The following RASGRF1 variants were observed in gnomAD, a reference collection of about 807,000 sequenced individuals.
RASGRF1 encodes the protein ras-specific guanine nucleotide-releasing factor 1.
RASGRF1 carries 40 observed loss-of-function variants against 138.7 expected under a neutral mutation model. The ratio of observed to expected loss-of-function variants is 0.29; its 90% confidence interval spans 0.22 to 0.38. The LOEUF (loss-of-function observed/expected upper bound fraction) is 0.38. Among genes scored for constraint, RASGRF1 ranks in the 10% least tolerant of loss-of-function variants. The pLI is 1.00. For synonymous variants in RASGRF1, 614 were observed against 663.2 expected, an observed-to-expected ratio of 0.93 and a Z score of 1.14; for missense variants, 1,108 against 1,650.4, an observed-to-expected ratio of 0.67 and a Z score of 5.69.
At chr15:78,987,706 A>G (rs1422231658) in intron 22 of RASGRF1, among the ~76,000 whole-genome samples, 3 of 151,894 alleles carry the variant, frequency 2.0e-5, no homozygotes, top group African/African-American at 7.3e-5. Flanking sequence ...AAACAAAACA[A>G]AACAAAACAA....
chr15:78,980,842 G>A (rs80199659), intron 23 of RASGRF1, 143 bp from the exon 24 acceptor site: 9,796 of 546,444 alleles, frequency 0.018, 697 homozygotes, highest in African/African-American at 0.16. Context: ...CCTGTGTTTG[G>A]GCACCTTGCC....
intron 12 of RASGRF1, among the ~76,000 whole-genome samples, chr15:79,017,092 C>T (rs2056889768): frequency 3.3e-5 from 5 of 152,202 alleles, no homozygotes; most frequent in Admixed American, 1.3e-4. Flanking sequence ...TGCTGACAGC[C>T]TCTTTATAGA....
chr15:79,004,112 C>G lies in RASGRF1; in HGVS notation c.2139G>C (p.Lys713Asn). 6.2e-7 allele frequency: 1 copy of G among 1,613,442 alleles called. No homozygotes were observed. Among genetic ancestry groups the G allele is most frequent in the Non-Finnish European group, 8.5e-7 (1 of 1,179,804 alleles). ...NNKLLYGEPPKSPRATRKFSS... is the reference protein window; with the variant it reads ...NNKLLYGEPPNSPRATRKFSS... ...AGAACTTGCGGGTGGCGCGCGGGGA[C>G]TTGGGGGGTTCACCGTACAGGAGCT... The change falls in exon 15 of 27, where the codon AAG becomes AAC. Residue 713 changes from lysine to asparagine, a missense_variant. Physicochemically the swap from Lys to Asn is moderately conservative, Grantham distance 94 (BLOSUM62 0). This residue lies in a region of RASGRF1 where 686 missense variants were observed against 976.7 expected (regional missense o/e 0.70). Transcript: ENST00000558480.
intron 3 of RASGRF1, among the ~76,000 whole-genome samples, chr15:79,053,522 G>T (rs2057460974): frequency 6.6e-6 from 1 of 152,236 alleles, no homozygotes; most frequent in African/African-American, 2.4e-5. Context: ...TAGAGGAGGG[G>T]AGGAGTCTTC....
At chr15:79,043,575 G>T (rs1595932880) in intron 5 of RASGRF1, among the ~76,000 whole-genome samples, 1 of 152,252 alleles carries the variant, frequency 6.6e-6, no homozygotes, top group East Asian at 1.9e-4. Flanking sequence ...AATTCACCAG[G>T]CTGCTGCTAT....
intron 14 of RASGRF1, chr15:79,005,207 G>A: frequency 1.0e-6 from 1 of 985,536 alleles, no homozygotes; most frequent in Non-Finnish European, 1.2e-6. Context: ...GGGGGCAGGA[G>A]GAGGGAACAG....
At chr15:79,061,984 A>T (rs1356095433) in intron 2 of RASGRF1, among the ~76,000 whole-genome samples, 1 of 152,148 alleles carries the variant, frequency 6.6e-6, no homozygotes, top group Non-Finnish European at 1.5e-5. Flanking sequence ...CTGCCTTGCA[A>T]TTTTCCAAAG....
At chr15:78,974,941 C>T (rs990119717) in intron 24 of RASGRF1, among the ~76,000 whole-genome samples, 2 of 152,212 alleles carry the variant, frequency 1.3e-5, no homozygotes, top group Non-Finnish European at 2.9e-5. Context: ...GTTAGGTAAA[C>T]ACAAATACAG....
At chr15:79,063,205 T>C (rs946293637) in intron 2 of RASGRF1, among the ~76,000 whole-genome samples, 8 of 152,360 alleles carry the variant, frequency 5.3e-5, no homozygotes, top group East Asian at 3.9e-4. Flanking sequence ...GGAATACTTA[T>C]GTTGCATCCA....
At chr15:79,023,592 G>T (rs972845564) in intron 10 of RASGRF1, among the ~76,000 whole-genome samples, 2 of 152,206 alleles carry the variant, frequency 1.3e-5, no homozygotes, top group Non-Finnish European at 2.9e-5. Context: ...GAGGCTGTGT[G>T]GCTGAACAGA....
At chr15:78,987,810 G>A (rs1353246856) in intron 22 of RASGRF1, among the ~76,000 whole-genome samples, 3 of 152,180 alleles carry the variant, frequency 2.0e-5, no homozygotes, top group Non-Finnish European at 2.9e-5. Flanking sequence ...GGACTAGGGT[G>A]AGGCAGTTGA....
chr15:78,976,917 A>G (rs1455698738), intron 24 of RASGRF1, among the ~76,000 whole-genome samples: 1 of 152,208 alleles, frequency 6.6e-6, no homozygotes, highest in Non-Finnish European at 1.5e-5. Context: ...GCAGAGAGGA[A>G]AGTGTCCCAC....
rs145584959 is a variant in RASGRF1 at position 79,032,276 on chromosome 15, G to A, written c.999C>T (p.Tyr333=). 398 of 1,614,052 alleles carry A rather than the reference G, an allele frequency of 2.5e-4. 1 individual carries two copies. The highest frequency in any genetic ancestry group is 3.1e-4 in the Non-Finnish European group (364 of 1,179,948). Residue 333 remains tyrosine (Y), a synonymous_variant, in exon 7 of 27, where the codon TAC becomes TAT. Coordinates refer to ENST00000558480, the MANE Select transcript of RASGRF1 (RefSeq NM_001145648.3). This position sits in a 1 kb window ranked among gnomAD's most constrained non-coding sequence, Gnocchi z 4.5. ...ACTGGTGGTTGCGGACGAACTCTTG[G>A]TAGATGTTGAGCATGGGCAGCAGGA... The part of the protein sequence containing the change: ...FDILLPMLNI[Y]QEFVRNHQYS...
intron 5 of RASGRF1, among the ~76,000 whole-genome samples, chr15:79,036,748 G>A: frequency 6.6e-6 from 1 of 151,994 alleles, no homozygotes; most frequent in East Asian, 1.9e-4. Flanking sequence ...CAGAGGATGT[G>A]AGAGAGATAG....
At chr15:78,977,122 G>A (rs909943758) in intron 24 of RASGRF1, among the ~76,000 whole-genome samples, 64 of 150,752 alleles carry the variant, frequency 4.2e-4, no homozygotes, top group African/African-American at 1.5e-3. Context: ...AGAGGCAGCT[G>A]CCCATGCTCT....
At chr15:79,068,437 A>G (rs2057707972) in intron 1 of RASGRF1, among the ~76,000 whole-genome samples, 2 of 150,872 alleles carry the variant, frequency 1.3e-5, no homozygotes, top group African/African-American at 2.4e-5. Flanking sequence ...TGAAATGGGG[A>G]GTTAAATGAG....
At chr15:78,990,164 G>T in intron 22 of RASGRF1, 25 bp downstream of exon 22, 2 of 1,533,542 alleles carry the variant, frequency 1.3e-6, no homozygotes, top group Non-Finnish European at 1.8e-6. Flanking sequence ...ACCCCAGTGA[G>T]AGAGGCGCTC....
intron 5 of RASGRF1, among the ~76,000 whole-genome samples, chr15:79,045,759 C>T (rs992349345): frequency 1.3e-5 from 2 of 152,190 alleles, no homozygotes; most frequent in Non-Finnish European, 2.9e-5. Context: ...TCAAACTCAG[C>T]ACATCACACT....
chr15:79,053,890 C>T (rs1191042806), intron 3 of RASGRF1, among the ~76,000 whole-genome samples: 3 of 152,168 alleles, frequency 2.0e-5, no homozygotes, highest in African/African-American at 7.2e-5. Flanking sequence ...TTGTGCTTAG[C>T]CCTGCAAATT....
Sources: allele counts gnomAD v4.1 joint callset (sites outside exome capture counted in the v4.1 genomes callset), GRCh38; gene constraint gnomAD v4.1.1; regional missense constraint gnomAD v4.1.1; non-coding constraint Gnocchi (gnomAD v3.1); transcripts MANE v1.5; gene names NCBI Gene and HGNC (gene_info 2026-07-23, HGNC 2026-07-21).